Variants in PLEKHB2 observed in about 807,000 individuals in gnomAD.
The protein encoded by PLEKHB2 is pleckstrin homology domain containing B2.
Under a neutral mutation model 36.5 loss-of-function variants are expected in PLEKHB2, and 31 were observed. That is an observed-to-expected ratio of 0.85 (90% CI 0.64 to 1.15). The LOEUF (loss-of-function observed/expected upper bound fraction) is 1.15. Ranked by LOEUF, PLEKHB2 falls within the 50% of genes most tolerant of loss-of-function variation. The probability of loss-of-function intolerance (pLI) is 0.00; values close to 1 mark genes in which losing one functional copy is unlikely to be tolerated. For synonymous variants in PLEKHB2, 119 were observed against 112.0 expected (o/e 1.06, Z -0.39); for missense variants, 262 against 295.3 (o/e 0.89, Z 0.83).
intron 1 of PLEKHB2, among the ~76,000 whole-genome samples, chr2:131,108,570 T>C (rs1400912931): frequency 6.6e-6 from 1 of 152,178 alleles, no homozygotes; most frequent in Non-Finnish European, 1.5e-5. Flanking sequence ...TTGGGCCACA[T>C]TGGAAGAAGG....
intron 1 of PLEKHB2, among the ~76,000 whole-genome samples, chr2:131,108,642 A>G (rs1694970094): frequency 6.6e-6 from 1 of 152,236 alleles, no homozygotes; most frequent in Admixed American, 6.5e-5. Context: ...AATTGCAAAA[A>G]AATCTCATAA....
At chr2:131,126,542 A>G in intron 3 of PLEKHB2, 142 bp from the exon 4 acceptor site, 1 of 648,042 alleles carries the variant, frequency 1.5e-6, no homozygotes, top group Non-Finnish European at 2.8e-6. Context: ...TTCTTTCTGC[A>G]TTCTTGGAAA....
chr2:131,113,202 C>A (rs1573527858), intron 1 of PLEKHB2, among the ~76,000 whole-genome samples: 1 of 152,166 alleles, frequency 6.6e-6, no homozygotes, highest in Admixed American at 6.5e-5. Context: ...CTTACCTCAG[C>A]CCCCCAGTAG....
intron 2 of PLEKHB2, among the ~76,000 whole-genome samples, chr2:131,124,831 G>T (rs1696938700): frequency 6.6e-6 from 1 of 151,846 alleles, no homozygotes; most frequent in Admixed American, 6.6e-5. Context: ...TGTCCCCCAG[G>T]TTGGAGGGCA....
At chr2:131,125,689 T>C in intron 2 of PLEKHB2, 64 bp from the exon 3 acceptor site, 3 of 1,430,588 alleles carry the variant, frequency 2.1e-6, no homozygotes, top group East Asian at 4.6e-5. Flanking sequence ...GCATTCCAAC[T>C]TGGGCGAAAT....
At chr2:131,141,417 A>G (rs1030536281) in intron 7 of PLEKHB2, among the ~76,000 whole-genome samples, 3 of 152,020 alleles carry the variant, frequency 2.0e-5, no homozygotes, top group Non-Finnish European at 4.4e-5. Flanking sequence ...AGGCGGGTGG[A>G]TCATGAGGTC....
chr2:131,115,842 A>G (rs1483890729), intron 1 of PLEKHB2, among the ~76,000 whole-genome samples: 1 of 152,168 alleles, frequency 6.6e-6, no homozygotes, highest in African/African-American at 2.4e-5. Flanking sequence ...TGCTTTCTGA[A>G]GGCACTCTTG....
At chr2:131,130,371 T>C (rs1452573322) in intron 4 of PLEKHB2, among the ~76,000 whole-genome samples, 1 of 152,058 alleles carries the variant, frequency 6.6e-6, no homozygotes, top group African/African-American at 2.4e-5. Context: ...TGTTGAAAAA[T>C]TGCTAATCTA....
intron 5 of PLEKHB2, among the ~76,000 whole-genome samples, chr2:131,132,407 A>G (rs1697801361): frequency 6.6e-6 from 1 of 152,046 alleles, no homozygotes; most frequent in African/African-American, 2.4e-5. Flanking sequence ...CCTGGGCTCG[A>G]GTGATCCTTG....
At chr2:131,136,338 T>C (rs1298078978) in intron 6 of PLEKHB2, among the ~76,000 whole-genome samples, 1 of 151,042 alleles carries the variant, frequency 6.6e-6, no homozygotes, top group Non-Finnish European at 1.5e-5. Flanking sequence ...GGCAATCCTC[T>C]TGCCTCAGCC....
chr2:131,122,211 G>A (rs1311311800), intron 2 of PLEKHB2, among the ~76,000 whole-genome samples: 8 of 152,176 alleles, frequency 5.3e-5, no homozygotes, highest in African/African-American at 9.6e-5. Context: ...CACCGCGCCC[G>A]GCCTCATACT....
At chr2:131,131,759 T>C (rs773064017) in intron 5 of PLEKHB2, among the ~76,000 whole-genome samples, 122 of 111,828 alleles carry the variant, frequency 1.1e-3, no homozygotes, top group Admixed American at 1.5e-3. Context: ...AAAATCCCCC[T>C]TTTTTTTTTT....
rs1278882665 is a variant in PLEKHB2 at position 131,146,883 on chromosome 2, T to C, written c.*110T>C. On this transcript the variant is annotated 3_prime_UTR_variant, in exon 8 of 8. Transcript: ENST00000693505. ...AGTTTTTAATAATAGTTTTAATCAT[T>C]CCTTTGAAAGTAGTGATGTCATAAT... 1 of 930,156 alleles carries C rather than the reference T, an allele frequency of 1.1e-6. No homozygotes were observed. Among genetic ancestry groups the C allele is most frequent in the Non-Finnish European group, 1.6e-6 (1 of 620,272 alleles). The allele number at this position is 930,156 out of a possible 1,614,324, so 57.6% of individuals were successfully genotyped here. A position where few individuals can be genotyped will look rare whatever the true frequency, so the allele number is the denominator to read the frequency against.
At chr2:131,138,865 A>G (rs1698514056) in intron 6 of PLEKHB2, among the ~76,000 whole-genome samples, 3 of 152,118 alleles carry the variant, frequency 2.0e-5, no homozygotes, top group Admixed American at 1.3e-4. Context: ...CTTCATGGAC[A>G]CCACCCAGCA....
rs552702327 is a variant in PLEKHB2, at chr2:131,144,729, G to A, written c.533-1908G>A. Among the ~76,000 whole-genome samples, 6 of 152,320 alleles carry A rather than the reference G, an allele frequency of 3.9e-5. No homozygotes were observed. The South Asian group carries it at 1.0e-3, about 26-fold the overall frequency. On this transcript the variant is annotated intron_variant, in intron 7 of 7. Transcript: ENST00000693505. ...CTGGCAAGGACTGAGCTCAATGCAG[G>A]AGCAGAGCTCAGCAGGAGCCACAAG...
intron 1 of PLEKHB2, among the ~76,000 whole-genome samples, chr2:131,117,756 A>G (rs1015116181): frequency 6.6e-6 from 1 of 152,102 alleles, no homozygotes; most frequent in African/African-American, 2.4e-5. Context: ...ACCCCACTGC[A>G]CAGATGTGAT....
intron 3 of PLEKHB2, 108 bp downstream of exon 3, chr2:131,126,013 G>T: frequency 9.0e-7 from 1 of 1,116,428 alleles, no homozygotes. Flanking sequence ...GATTGAAGAA[G>T]GGCTCCATCT....
At position 131,132,954 on chromosome 2, in the gene PLEKHB2, C is replaced by T. The variant is rs1225012879; in HGVS notation, c.386C>T (p.Pro129Leu). ...GATGAGACATCCGTGGTTTCCTCAC[C>T]TCCACCATACACGGCCTATGCTGCA... ...MTDETSVVSS[P>L]PPYTAYAAPA... Residue 129 changes from proline to leucine, a missense_variant, in exon 6 of 8, where the codon CCT becomes CTT. Coordinates refer to ENST00000693505, the MANE Select transcript of PLEKHB2 (RefSeq NM_001100623.2). 6.2e-7 allele frequency: 1 copy of T among 1,613,818 alleles called. No individual in the cohort carries two copies. The highest frequency in any genetic ancestry group is 1.3e-5 in the African/African-American group (1 of 74,890).
intron 6 of PLEKHB2, among the ~76,000 whole-genome samples, chr2:131,134,603 A>G (rs1027152923): frequency 2.0e-5 from 3 of 152,088 alleles, no homozygotes; most frequent in African/African-American, 4.8e-5. Flanking sequence ...TTGATCCCAC[A>G]CAGTCTTAAT....
Sources: gnomAD v4.1 joint callset for allele counts (sites outside exome capture counted in the v4.1 genomes callset) on GRCh38, gnomAD v4.1.1 for gene constraint, MANE v1.5 for transcripts, NCBI Gene and HGNC (gene_info 2026-07-23, HGNC 2026-07-21) for gene names.